The following SPAM1 variants were observed in gnomAD, a reference collection of about 807,000 sequenced individuals.
SPAM1 encodes the protein sperm adhesion molecule 1.
In SPAM1, 22 loss-of-function variants were observed where a neutral mutation model predicts 29.6. That is an observed-to-expected ratio of 0.74 (90% CI 0.53 to 1.06). SPAM1 has a LOEUF of 1.06. Ranked by LOEUF, SPAM1 falls within the 50% of genes least tolerant of loss-of-function variation. The pLI, the probability that SPAM1 is intolerant of heterozygous loss-of-function variation, is 0.00. For synonymous variants in SPAM1, 194 were observed against 204.6 expected, an observed-to-expected ratio of 0.95 and a Z score of 0.44; for missense variants, 534 against 604.0, an observed-to-expected ratio of 0.88 and a Z score of 1.21.
intron 1 of SPAM1, among the ~76,000 whole-genome samples, chr7:123,934,141 A>G (rs1463424557): frequency 6.6e-6 from 1 of 152,206 alleles, no homozygotes; most frequent in African/African-American, 2.4e-5. Context: ...GGTTTGTATA[A>G]GTACACTCTA....
chr7:123,926,695 C>T (rs1807896934), intron 1 of SPAM1, among the ~76,000 whole-genome samples: 1 of 152,112 alleles, frequency 6.6e-6, no homozygotes, highest in Non-Finnish European at 1.5e-5. Context: ...CGGGACAACT[C>T]AGAGTGGGGG....
intron 1 of SPAM1, among the ~76,000 whole-genome samples, chr7:123,938,326 A>G (rs1362804924): frequency 6.6e-6 from 1 of 152,190 alleles, no homozygotes; most frequent in African/African-American, 2.4e-5. Context: ...GAAGATAAAT[A>G]ATAAGCCACT....
At chr7:123,935,153 T>C (rs938365868) in intron 1 of SPAM1, among the ~76,000 whole-genome samples, 2 of 152,192 alleles carry the variant, frequency 1.3e-5, no homozygotes, top group Non-Finnish European at 2.9e-5. Context: ...AATGTTGTCT[T>C]CTTCCTAATA....
intron 1 of SPAM1, among the ~76,000 whole-genome samples, chr7:123,937,582 C>CAGAG (rs1808296158): frequency 9.1e-6 from 1 of 109,752 alleles, no homozygotes; most frequent in South Asian, 3.2e-4. Flanking sequence ...GCCTGGGCAA[C>CAGAG]AGAGACTCCA....
intron 1 of SPAM1, among the ~76,000 whole-genome samples, chr7:123,927,068 C>G (rs1017164551): frequency 4.6e-5 from 7 of 151,936 alleles, no homozygotes; most frequent in Admixed American, 1.3e-4. Context: ...ATATTTTTTT[C>G]CTTGTCTCAT....
At chr7:123,957,734 G>A (rs1792278304) in intron 4 of SPAM1, among the ~76,000 whole-genome samples, 1 of 152,000 alleles carries the variant, frequency 6.6e-6, no homozygotes, top group Non-Finnish European at 1.5e-5. Flanking sequence ...CATTTGGGTT[G>A]TTGGCAGATT....
At chr7:123,957,653 A>G (rs141365456) in intron 4 of SPAM1, among the ~76,000 whole-genome samples, 1,843 of 152,188 alleles carry the variant, frequency 0.012, 26 homozygotes, top group African/African-American at 0.042. Context: ...AAGAAGTCCA[A>G]TATGGGTTTC....
In SPAM1 at chr7:123,953,739, A is replaced by G. The variant is rs750164356; in HGVS notation, c.169A>G (p.Ser57Gly). ...VPFLWAWNAP[S>G]EFCLGKFDEP... ...TTTCCTCTGGGCCTGGAATGCCCCA[A>G]GTGAATTTTGTCTTGGAAAATTTGA... Residue 57 changes from serine (S) to glycine (G), a missense_variant, in exon 3 of 5, where the codon AGT (serine) becomes GGT (glycine). Transcript: ENST00000682466. The G allele has an allele frequency of 1.9e-6, 3 of 1,613,140 alleles. No individual in the cohort carries two copies. In the South Asian group the frequency reaches 3.3e-5, roughly 18 times the overall value.
At chr7:123,933,072 ACTTT>A (rs1241023250) in intron 1 of SPAM1, among the ~76,000 whole-genome samples, 4 of 151,080 alleles carry the variant, frequency 2.6e-5, no homozygotes. Flanking sequence ...TTTTAAATTT[ACTTT>A]AAGTTCCAGG....
downstream of SPAM1, among the ~76,000 whole-genome samples, chr7:123,963,961 A>G (rs1247832308): frequency 6.6e-6 from 1 of 151,952 alleles, no homozygotes; most frequent in Non-Finnish European, 1.5e-5. Context: ...TGGAGAATGT[A>G]TCTATTTTCC....
At chr7:123,932,252 C>T (rs1338807501) in intron 1 of SPAM1, 3 of 152,182 alleles carry the variant, frequency 2.0e-5, no homozygotes, top group African/African-American at 7.2e-5. Flanking sequence ...TGTGGAAGAC[C>T]CTCACCTATT....
At chr7:123,964,339 T>A (rs1792396094), downstream of SPAM1, among the ~76,000 whole-genome samples, 1 of 151,878 alleles carries the variant, frequency 6.6e-6, no homozygotes, top group Non-Finnish European at 1.5e-5. Flanking sequence ...CTCAAAGTAG[T>A]AGGTGGAATA....
chr7:123,935,127 A>C (rs979906510), intron 1 of SPAM1, among the ~76,000 whole-genome samples: 2 of 152,194 alleles, frequency 1.3e-5, no homozygotes, highest in African/African-American at 4.8e-5. Context: ...TTTGTCAATT[A>C]AAGATTTAAA....
In SPAM1 at chr7:123,954,391, C is replaced by T. The variant is rs1285979736; in HGVS notation, c.821C>T (p.Ala274Val). 6.2e-7 allele frequency: 1 copy of T among 1,613,398 alleles called. No homozygotes were observed. Among genetic ancestry groups the T allele is most frequent in the East Asian group, 2.2e-5 (1 of 44,846 alleles). ...YLNTQQSPVAATLYVRNRVRE... is the reference protein window; with the variant it reads ...YLNTQQSPVAVTLYVRNRVRE... ...AACACTCAGCAGTCTCCTGTAGCTG[C>T]TACACTCTATGTGCGCAATCGAGTT... The change falls in exon 3 of 5, where the codon GCT becomes GTT. Residue 274 changes from alanine (A) to valine (V), a missense_variant. Ala to Val is a moderately conservative substitution (Grantham distance 64). Transcript: ENST00000682466.
intron 1 of SPAM1, among the ~76,000 whole-genome samples, chr7:123,936,101 G>T (rs777739126): frequency 2.6e-5 from 4 of 152,342 alleles, no homozygotes; most frequent in African/African-American, 7.2e-5. Flanking sequence ...GTGAAATTTA[G>T]TTGTGGCTTT....
At chr7:123,928,854 G>T (rs986856471) in intron 1 of SPAM1, among the ~76,000 whole-genome samples, 4 of 152,104 alleles carry the variant, frequency 2.6e-5, no homozygotes, top group African/African-American at 9.7e-5. Flanking sequence ...AATAGGGGAG[G>T]CTTTGTGGTT....
intron 4 of SPAM1, among the ~76,000 whole-genome samples, chr7:123,957,306 A>G (rs191224713): frequency 9.7e-4 from 147 of 152,122 alleles, no homozygotes; most frequent in African/African-American, 3.5e-3. Flanking sequence ...GACAAGATGA[A>G]GTCAATTGTG....
intron 1 of SPAM1, among the ~76,000 whole-genome samples, chr7:123,930,452 CA>C (rs1381916738): frequency 6.6e-6 from 1 of 151,968 alleles, no homozygotes; most frequent in Non-Finnish European, 1.5e-5. Context: ...TCCCATGATC[CA>C]AAAAGCCACT....
At chr7:123,969,492 G>A (rs533920420) in intron 5 of SPAM1, among the ~76,000 whole-genome samples, 38 of 151,972 alleles carry the variant, frequency 2.5e-4, no homozygotes, top group Admixed American at 1.1e-3. Flanking sequence ...GTACATTCTC[G>A]TTCTTCTGCA....
Sources: gnomAD v4.1 joint callset for allele counts (sites outside exome capture counted in the v4.1 genomes callset) on GRCh38, gnomAD v4.1.1 for gene constraint, MANE v1.5 for transcripts, NCBI Gene and HGNC (gene_info 2026-07-23, HGNC 2026-07-21) for gene names.